SPTBN5: variants seen among roughly 807,000 people sequenced by gnomAD.
The protein encoded by SPTBN5 is spectrin beta chain, non-erythrocytic 5.
Under a neutral mutation model 477.6 loss-of-function variants are expected in SPTBN5, and 513 were observed. That is an observed-to-expected ratio of 1.07 (90% CI 1.00 to 1.16). The LOEUF (loss-of-function observed/expected upper bound fraction) is 1.16, where lower values mean the gene tolerates loss of function less well. Among genes scored for constraint, SPTBN5 ranks in the 50% most tolerant of loss-of-function variants. The pLI is 0.00. For synonymous variants in SPTBN5, 2,169 were observed against 2,011.7 expected, an observed-to-expected ratio of 1.08 and a Z score of -2.09; for missense variants, 5,062 against 4,731.8, an observed-to-expected ratio of 1.07 and a Z score of -2.05.
chr15:41,871,304 A>C lies in SPTBN5; in HGVS notation c.5447+71T>G, dbSNP rs2066525493. On this transcript the variant is annotated intron_variant, in intron 29 of 67. Coordinates refer to ENST00000320955, the MANE Select transcript of SPTBN5 (RefSeq NM_016642.4). ...CCCTCACAGCATGCCATCCTCTCTTACCACTCTGGGCCCTGCCTGCCCAGC... is the reference window on the plus strand; with the variant it reads ...CCCTCACAGCATGCCATCCTCTCTTCCCACTCTGGGCCCTGCCTGCCCAGC... 5.2e-6 allele frequency: 7 copies of C among 1,335,400 alleles called. No individual in the cohort carries two copies. In the South Asian group the frequency reaches 1.5e-4, roughly 29 times the overall value. 82.7% of individuals were successfully genotyped at this position (1,335,400 alleles called of 1,614,324 possible).
intron 36 of SPTBN5, 184 bp from the exon 37 acceptor site, chr15:41,866,677 G>T: frequency 1.3e-6 from 1 of 794,484 alleles, no homozygotes; most frequent in Non-Finnish European, 1.9e-6. Context: ...GCAGGGCCTT[G>T]GGTGGGCTCT....
chr15:41,866,448 C>T lies in SPTBN5; in HGVS notation c.6526G>A (p.Val2176Ile), dbSNP rs376324964. The change falls in exon 37 of 68, where the codon GTC becomes ATC. Residue 2176 changes from valine (V) to isoleucine (I), a missense_variant. Physicochemically the swap from Val to Ile is conservative, Grantham distance 29. Coordinates refer to ENST00000320955, the MANE Select transcript of SPTBN5 (RefSeq NM_016642.4). The stretch of plus-strand genomic sequence containing the variant: ...TTATCTCTCAGGTCCCCAGGAGGGA[C>T]CGGCTCCTTCAGCTGCTGGGCCCAC... ...QAWAQQLKEP[V>I]PPGDLRDKLK... 32 of 1,600,426 alleles carry T rather than the reference C, an allele frequency of 2.0e-5. No individual in the cohort carries two copies. The South Asian group carries it at 2.2e-4, about 11-fold the overall frequency.
Position 41,869,969 on chromosome 15 carries a change from GC to G in SPTBN5, c.5724del (p.Pro1909LeufsTer13). ...CTCTGCTGCACCGCATGGGCCTGAGGCCCCGGACACAGCTTCTGCACCCTGC... is the reference window on the plus strand; with the variant it reads ...CTCTGCTGCACCGCATGGGCCTGAGGCCCGGACACAGCTTCTGCACCCTGC... ...TAGRVQKLCP[G>X]PQAHAVQQRQ... On this transcript the variant is annotated frameshift_variant, in exon 32 of 68. Transcript: ENST00000320955. LOFTEE classifies it high-confidence loss of function. 6.5e-7 allele frequency: 1 copy of G among 1,539,828 alleles called. No individual in the cohort carries two copies. Among genetic ancestry groups the G allele is most frequent in the Admixed American group, 2.0e-5 (1 of 49,122 alleles).
At chr15:41,867,222 C>T in intron 35 of SPTBN5, 96 bp from the exon 36 acceptor site, 1 of 1,371,676 alleles carries the variant, frequency 7.3e-7, no homozygotes, top group Non-Finnish European at 9.6e-7. Context: ...GGCCCCGGAG[C>T]CCTTTCCTCA....
chr15:41,852,354 C>A, intron 61 of SPTBN5, 38 bp from the exon 62 acceptor site: 1 of 1,523,270 alleles, frequency 6.6e-7, no homozygotes, highest in South Asian at 1.2e-5. Context: ...TGAGCCAGGT[C>A]AGGGAGACCA....
At chr15:41,854,405 TG>T (rs2065871271) in intron 56 of SPTBN5, among the ~76,000 whole-genome samples, 200 bp from the exon 57 acceptor site, 3 of 22,992 alleles carry the variant, frequency 1.3e-4, no homozygotes, top group African/African-American at 5.0e-4. Flanking sequence ...GGCCAGGGGG[TG>T]GGGAGGGTGG....
At chr15:41,884,024 C>T (rs893952786) in intron 7 of SPTBN5, among the ~76,000 whole-genome samples, 5 of 152,046 alleles carry the variant, frequency 3.3e-5, no homozygotes, top group Admixed American at 6.5e-5. Context: ...CTCACTCCTT[C>T]GCCCAGGCCG....
chr15:41,876,357 G>A (rs763840261), intron 20 of SPTBN5, 73 bp from the exon 21 acceptor site: 2 of 1,470,164 alleles, frequency 1.4e-6, no homozygotes, highest in Non-Finnish European at 9.1e-7. Flanking sequence ...TGCATCTGAG[G>A]GTGGTGTGGC....
In SPTBN5 at chr15:41,853,401, C is replaced by T. The variant is rs202132844; in HGVS notation, c.10027G>A (p.Ala3343Thr). The change falls in exon 59 of 68, where the codon GCT (alanine) becomes ACT (threonine). Residue 3343 changes from alanine (A) to threonine (T), a missense_variant. Coordinates refer to ENST00000320955, the MANE Select transcript of SPTBN5 (RefSeq NM_016642.4). ...RQELASSEEL[A>T]EDVAGAEQLL... ...TGCTCAGCCCCCGCCACGTCCTCAGCCAGCTCCTCGGAGGACGCCAGCTCC... is the reference window on the plus strand; with the variant it reads ...TGCTCAGCCCCCGCCACGTCCTCAGTCAGCTCCTCGGAGGACGCCAGCTCC... The T allele has an allele frequency of 1.4e-4, 230 of 1,605,850 alleles. No homozygotes were observed. The African/African-American group carries it at 2.9e-3, about 21-fold the overall frequency.
At chr15:41,854,760 G>A in intron 56 of SPTBN5, 22 bp downstream of exon 56, 1 of 1,482,882 alleles carries the variant, frequency 6.7e-7, no homozygotes. Context: ...CCCTTAGCTT[G>A]GCCCGGCCTG....
chr15:41,883,379 T>A lies in SPTBN5; in HGVS notation c.1628A>T (p.Glu543Val). The A allele has an allele frequency of 6.2e-7, 1 of 1,613,712 alleles. No individual in the cohort carries two copies. Among genetic ancestry groups the A allele is most frequent in the Non-Finnish European group, 8.5e-7 (1 of 1,179,846 alleles). Residue 543 changes from glutamate (E) to valine (V), a missense_variant, in exon 8 of 68, where the codon GAG (glutamate) becomes GTG (valine). By Grantham distance (121) the Glu-to-Val change is moderately radical (BLOSUM62 -2). Coordinates refer to ENST00000320955, the MANE Select transcript of SPTBN5 (RefSeq NM_016642.4). ...QAVLSLLQEV[E>V]AASHQLEELQ... ...CTCCTCCAGCTGGTGGGAGGCAGCC[T>A]CCACCTCCTGCAGCAGGCTCAGCAC...
rs529824812 is a variant in SPTBN5, at chr15:41,862,221, G to A, written c.7457C>T (p.Ala2486Val). Reference sequence around the variant, plus strand: ...GTCCATCTGAGCCCGCAGCCTCTGGGCGCTGACCAGCAATTCCTGCAGCAT... The same window carrying A: ...GTCCATCTGAGCCCGCAGCCTCTGGACGCTGACCAGCAATTCCTGCAGCAT... The part of the protein sequence containing the change: ...QAMLQELLVS[A>V]QRLRAQMDTS... Residue 2486 changes from alanine (A) to valine (V), a missense_variant, in exon 44 of 68, where the codon GCC (alanine) becomes GTC (valine). By Grantham distance (64) the Ala-to-Val change is moderately conservative. Transcript: ENST00000320955. The A allele has an allele frequency of 5.0e-6, 8 of 1,611,886 alleles. No homozygotes were observed. Among genetic ancestry groups the A allele is most frequent in the Admixed American group, 1.7e-5 (1 of 59,952 alleles).
At chr15:41,888,551 C>T (rs1194647097) in intron 4 of SPTBN5, among the ~76,000 whole-genome samples, 2 of 152,198 alleles carry the variant, frequency 1.3e-5, no homozygotes, top group Non-Finnish European at 2.9e-5. Context: ...ACCTCTGCCT[C>T]CCAGGTTCAA....
intron 4 of SPTBN5, among the ~76,000 whole-genome samples, chr15:41,889,165 A>G (rs1038324037): frequency 1.3e-5 from 2 of 152,134 alleles, no homozygotes; most frequent in Admixed American, 6.5e-5. Context: ...GGCTTCCTGA[A>G]AGGGCTTGAG....
rs775524973 is a variant in SPTBN5, at chr15:41,868,081, G to A, written c.6195C>T (p.Leu2065=). ...GGAGGGGACCTGCCTCCTGGGCCGC[G>A]AGGATCTCCTCCAGGCGGCCGCACT... ...LRECGRLEEI[L]AAQEVSLKTS... Residue 2065 remains leucine (L), a synonymous_variant, in exon 34 of 68, where the codon CTC becomes CTT. Coordinates refer to ENST00000320955, the MANE Select transcript of SPTBN5 (RefSeq NM_016642.4). The A allele has an allele frequency of 7.5e-6, 12 of 1,602,402 alleles. 1 individual carries two copies. Among genetic ancestry groups the A allele is most frequent in the African/African-American group, 4.0e-5 (3 of 74,740 alleles).
chr15:41,850,318 A>G (rs1293527125), intron 66 of SPTBN5: 11 of 311,394 alleles, frequency 3.5e-5, no homozygotes, highest in Non-Finnish European at 4.3e-5. Context: ...TCCCAGACAC[A>G]TTCCCTGAAC....
intron 67 of SPTBN5, 33 bp from the exon 68 acceptor site, chr15:41,848,661 A>G (rs1379065651): frequency 2.5e-6 from 4 of 1,613,318 alleles, no homozygotes; most frequent in Admixed American, 1.7e-5. Context: ...TTAGTAGGGT[A>G]TGGCCACCCC....
At position 41,851,826 on chromosome 15, in the gene SPTBN5, C is replaced by G; in HGVS notation, c.10609G>C (p.Glu3537Gln). Residue 3537 changes from glutamate (E) to glutamine (Q), a missense_variant, in exon 63 of 68, where the codon GAG becomes CAG. By Grantham distance (29) the Glu-to-Gln change is conservative. Transcript: ENST00000320955. ...PQDAKGTPTMEGSLEFKQHLL... is the reference protein window; with the variant it reads ...PQDAKGTPTMQGSLEFKQHLL... ...TGCTGCTTGAACTCCAAAGACCCCT[C>G]CATGGTGGGGGTACCCTTTGCATCC... is the stretch of plus-strand genomic sequence containing the variant. 1 of 1,610,826 alleles carries G rather than the reference C, an allele frequency of 6.2e-7. No homozygotes were observed. The highest frequency in any genetic ancestry group is 8.5e-7 in the Non-Finnish European group (1 of 1,179,510).
chr15:41,864,292 T>C (rs1330524815), intron 39 of SPTBN5, among the ~76,000 whole-genome samples: 1 of 152,166 alleles, frequency 6.6e-6, no homozygotes, highest in Non-Finnish European at 1.5e-5. Context: ...GGGTACCATG[T>C]AGGAGGGGGA....
Sources: gnomAD v4.1 joint callset for allele counts (sites outside exome capture counted in the v4.1 genomes callset) on GRCh38, gnomAD v4.1.1 for gene constraint, MANE v1.5 for transcripts, NCBI Gene and HGNC (gene_info 2026-07-23, HGNC 2026-07-21) for gene names.